Variants in NXPE2 observed in about 807,000 individuals in gnomAD.
The protein encoded by NXPE2 is neurexophilin and PC-esterase domain family member 2.
Under a neutral mutation model 34.4 loss-of-function variants are expected in NXPE2, and 34 were observed. That is an observed-to-expected ratio of 0.99 (90% confidence interval 0.75 to 1.31). NXPE2 has a LOEUF of 1.31. NXPE2 is among the 40% of genes most tolerant of loss of function. The pLI is 0.00. For missense variants in NXPE2, 649 were observed against 672.5 expected (o/e 0.97, Z 0.39); for synonymous variants, 235 against 231.3 (o/e 1.02, Z -0.15).
At chr11:114,570,737 T>G in the NXPE2 span, 17 of 476,224 alleles carry the variant, frequency 3.6e-5, no homozygotes, top group Non-Finnish European at 5.1e-5. Flanking sequence ...TTTTCATGAG[T>G]ATTTTTAGTT....
the NXPE2 span, among the ~76,000 whole-genome samples, chr11:114,481,960 G>T: frequency 2.5e-3 from 376 of 152,136 alleles, 1 homozygote; most frequent in African/African-American, 8.5e-3. Flanking sequence ...TCCTACCTCG[G>T]CATTGAAGGA....
At chr11:114,692,925 A>T (rs1400268321) in intron 2 of NXPE2, among the ~76,000 whole-genome samples, 1 of 152,078 alleles carries the variant, frequency 6.6e-6, no homozygotes, top group African/African-American at 2.4e-5. Flanking sequence ...TTCTCCATGG[A>T]GGAGGCACAC....
chr11:114,554,576 A>G, the NXPE2 span, among the ~76,000 whole-genome samples: 9 of 152,218 alleles, frequency 5.9e-5, no homozygotes, highest in Non-Finnish European at 1.0e-4. Flanking sequence ...GTCAAATAGC[A>G]TTTTTTAATT....
the NXPE2 span, among the ~76,000 whole-genome samples, chr11:114,610,403 C>G: frequency 6.6e-6 from 1 of 151,852 alleles, no homozygotes; most frequent in Non-Finnish European, 1.5e-5. Flanking sequence ...CCACTGTTAT[C>G]CAGGGAATAA....
chr11:114,714,945 C>T, the NXPE2 span, among the ~76,000 whole-genome samples: 4 of 152,080 alleles, frequency 2.6e-5, no homozygotes, highest in Admixed American at 6.6e-5. Context: ...TTGCTTAACC[C>T]GGGAGACAGA....
the NXPE2 span, among the ~76,000 whole-genome samples, chr11:114,722,619 G>T: frequency 6.6e-6 from 1 of 152,082 alleles, no homozygotes; most frequent in Non-Finnish European, 1.5e-5. Flanking sequence ...AAGATATCCT[G>T]GTTTTCTTGC....
the NXPE2 span, among the ~76,000 whole-genome samples, chr11:114,576,731 T>C: frequency 6.6e-6 from 1 of 151,918 alleles, no homozygotes. Flanking sequence ...ACTTTTACAC[T>C]GTTGGTGGGA....
chr11:114,627,798 G>A, the NXPE2 span, among the ~76,000 whole-genome samples: 1 of 151,720 alleles, frequency 6.6e-6, no homozygotes, highest in Non-Finnish European at 1.5e-5. Flanking sequence ...AGACACACAT[G>A]GGCTCAAAAT....
the NXPE2 span, among the ~76,000 whole-genome samples, chr11:114,613,759 A>G: frequency 7.2e-5 from 11 of 151,950 alleles, no homozygotes; most frequent in African/African-American, 2.7e-4. Context: ...CCCGGTGGAT[A>G]ATAAGTGTTG....
chr11:114,666,791 G>C, the NXPE2 span, among the ~76,000 whole-genome samples: 1 of 152,030 alleles, frequency 6.6e-6, no homozygotes, highest in Non-Finnish European at 1.5e-5. Flanking sequence ...TAGAGTATTG[G>C]TCTTTTCCTT....
At chr11:114,708,786 A>C (rs1722903588), downstream of NXPE2, among the ~76,000 whole-genome samples, 1 of 152,210 alleles carries the variant, frequency 6.6e-6, no homozygotes, top group African/African-American at 2.4e-5. Context: ...CCTTTAGGAA[A>C]CTTTGAAAGT....
At chr11:114,583,238 C>T in the NXPE2 span, 3 of 688,788 alleles carry the variant, frequency 4.4e-6, no homozygotes, top group South Asian at 1.8e-5. Flanking sequence ...GACAGAGGGA[C>T]AGGAAGTGAG....
chr11:114,612,746 T>C, the NXPE2 span, among the ~76,000 whole-genome samples: 1 of 146,868 alleles, frequency 6.8e-6, no homozygotes, highest in African/African-American at 2.5e-5. Flanking sequence ...TTACCCAGTA[T>C]TTAATAAGTG....
At chr11:114,577,045 TTA>T in the NXPE2 span, among the ~76,000 whole-genome samples, 211 of 25,798 alleles carry the variant, frequency 8.2e-3, 1 homozygote, top group African/African-American at 0.017. Flanking sequence ...ATATATAAAG[TTA>T]TATATATATA....
At chr11:114,471,184 G>A in the NXPE2 span, among the ~76,000 whole-genome samples, 1 of 152,118 alleles carries the variant, frequency 6.6e-6, no homozygotes, top group African/African-American at 2.4e-5. Context: ...GGCTTTTGGT[G>A]TCATATCCAA....
chr11:114,735,696 A>C, the NXPE2 span, among the ~76,000 whole-genome samples: 1 of 152,196 alleles, frequency 6.6e-6, no homozygotes, highest in Non-Finnish European at 1.5e-5. Flanking sequence ...TTAACCTTGC[A>C]GGAAATATTT....
chr11:114,786,022 C>T, the NXPE2 span, among the ~76,000 whole-genome samples: 1 of 152,156 alleles, frequency 6.6e-6, no homozygotes, highest in Admixed American at 6.5e-5. Flanking sequence ...CCAAGTCCTT[C>T]CCTCCAGAGA....
chr11:114,582,484 T>C, the NXPE2 span: 165 of 1,614,148 alleles, frequency 1.0e-4, no homozygotes, highest in Non-Finnish European at 1.4e-4. Flanking sequence ...ACTTGGGAAG[T>C]GCCATTGACA....
At chr11:114,793,266 G>A in the NXPE2 span, among the ~76,000 whole-genome samples, 1 of 152,024 alleles carries the variant, frequency 6.6e-6, no homozygotes, top group Admixed American at 6.6e-5. Flanking sequence ...CCTTGGATAG[G>A]GCCCCAATCA....
Sources: allele counts gnomAD v4.1 joint callset (sites outside exome capture counted in the v4.1 genomes callset), GRCh38; gene constraint gnomAD v4.1.1; transcripts MANE v1.5; gene names NCBI Gene and HGNC (gene_info 2026-07-23, HGNC 2026-07-21).